The following CNTN5 variants were observed in gnomAD, a reference collection of about 807,000 sequenced individuals.
The protein encoded by CNTN5 is contactin 5.
Under a neutral mutation model 129.1 loss-of-function variants are expected in CNTN5, and 77 were observed. The ratio of observed to expected loss-of-function variants is 0.60; its 90% CI spans 0.50 to 0.72. The LOEUF (loss-of-function observed/expected upper bound fraction) is 0.72. Ranked by LOEUF, CNTN5 falls within the 30% of genes least tolerant of loss-of-function variation. The probability of loss-of-function intolerance (pLI) is 0.00; values close to 1 mark genes in which losing one functional copy is unlikely to be tolerated. For missense variants in CNTN5, 1,478 were observed against 1,328.8 expected (o/e 1.11, Z -1.75); for synonymous variants, 509 against 465.6 (o/e 1.09, Z -1.20).
At chr11:99,371,880 C>T (rs1403275402) in intron 2 of CNTN5, among the ~76,000 whole-genome samples, 2 of 152,164 alleles carry the variant, frequency 1.3e-5, no homozygotes, top group African/African-American at 2.4e-5. Context: ...TAAGTTTAAA[C>T]AGGCTTCTGC....
At position 99,506,387 on chromosome 11, in the gene CNTN5, G is replaced by A. The variant is rs1312073985; in HGVS notation, c.-70-49758G>A. Among the ~76,000 whole-genome samples, 3 of 152,264 alleles carry A rather than the reference G, an allele frequency of 2.0e-5. No individual in the cohort carries two copies. In the East Asian group the frequency reaches 5.8e-4, roughly 29 times the overall value. ...TCTCTGTTTACAATGTGTATGTTAT[G>A]CAGATTCTTATACAAATATCTTTTC... On this transcript the variant is annotated intron_variant, in intron 2 of 24. Transcript: ENST00000524871.
At chr11:99,670,239 A>C (rs1952977514) in intron 3 of CNTN5, among the ~76,000 whole-genome samples, 1 of 152,182 alleles carries the variant, frequency 6.6e-6, no homozygotes, top group Non-Finnish European at 1.5e-5. Flanking sequence ...CAACAGCATA[A>C]GGTAGATAAC....
intron 3 of CNTN5, among the ~76,000 whole-genome samples, chr11:99,648,224 GT>G (rs1167952851): frequency 6.6e-6 from 1 of 151,880 alleles, no homozygotes; most frequent in Non-Finnish European, 1.5e-5. Context: ...GATGTATCAT[GT>G]TTATTGATTT....
intron 10 of CNTN5, among the ~76,000 whole-genome samples, chr11:100,063,753 G>A (rs1452835613): frequency 6.7e-6 from 1 of 149,462 alleles, no homozygotes; most frequent in Non-Finnish European, 1.5e-5. Flanking sequence ...TGAGCATGGC[G>A]TTGCACTCCT....
Position 99,073,754 on chromosome 11 carries a change from C to G in CNTN5, c.-210+52484C>G, listed in dbSNP as rs535894539. Among the ~76,000 whole-genome samples, 13 of 152,202 alleles carry G rather than the reference C, an allele frequency of 8.5e-5. No individual in the cohort carries two copies. The South Asian group carries it at 2.7e-3, about 32-fold the overall frequency. On this transcript the variant is annotated intron_variant, in intron 1 of 24. Coordinates refer to ENST00000524871, the MANE Select transcript of CNTN5 (RefSeq NM_014361.4). The stretch of plus-strand genomic sequence containing the variant: ...TCATTTTTTATGGCTGCATAGTATT[C>G]CATGGTATATATGTGCCACATTTTC...
chr11:100,019,371 T>C (rs12574196), intron 9 of CNTN5, among the ~76,000 whole-genome samples: 35,402 of 151,802 alleles, frequency 0.23, 4,792 homozygotes, highest in East Asian at 0.46. Flanking sequence ...TCAAACTTGG[T>C]CATCACCATT....
intron 1 of CNTN5, among the ~76,000 whole-genome samples, chr11:99,200,462 T>C (rs1057454629): frequency 2.0e-5 from 3 of 152,218 alleles, no homozygotes; most frequent in African/African-American, 7.2e-5. Flanking sequence ...CCAACACGTT[T>C]TGCTTCATAG....
intron 9 of CNTN5, among the ~76,000 whole-genome samples, chr11:100,032,822 T>C (rs528977009): frequency 6.6e-6 from 1 of 152,282 alleles, no homozygotes; most frequent in Admixed American, 6.5e-5. Flanking sequence ...TAAAAGAATG[T>C]CATTTTTCCA....
intron 3 of CNTN5, among the ~76,000 whole-genome samples, chr11:99,622,272 A>G (rs185601773): frequency 6.6e-6 from 1 of 152,294 alleles, no homozygotes; most frequent in Non-Finnish European, 1.5e-5. Context: ...AAAATTTACA[A>G]CACGTGGCTG....
chr11:100,228,089 A>T (rs1949415665), intron 16 of CNTN5, among the ~76,000 whole-genome samples: 2 of 152,254 alleles, frequency 1.3e-5, no homozygotes, highest in South Asian at 4.1e-4. Context: ...GGTAACTAGG[A>T]GTGATAGCAC....
rs1383630165 is a variant in CNTN5, at chr11:99,842,462, A to T, written c.278-2390A>T. Among the ~76,000 whole-genome samples, 4 of 152,344 alleles carry T rather than the reference A, an allele frequency of 2.6e-5. No homozygotes were observed. In the East Asian group the frequency reaches 7.7e-4, roughly 29 times the overall value. Reference sequence around the variant, plus strand: ...CTAATACTGTAAAGTAGGCATTATTATCCACAAATAATACTTGAGTAGCAG... The same window carrying T: ...CTAATACTGTAAAGTAGGCATTATTTTCCACAAATAATACTTGAGTAGCAG... On this transcript the variant is annotated intron_variant, in intron 4 of 24. Coordinates refer to ENST00000524871, the MANE Select transcript of CNTN5 (RefSeq NM_014361.4).
At chr11:100,018,767 G>A (rs1940966095) in intron 9 of CNTN5, among the ~76,000 whole-genome samples, 1 of 151,918 alleles carries the variant, frequency 6.6e-6, no homozygotes, top group Non-Finnish European at 1.5e-5. Flanking sequence ...CAAAGTAGTT[G>A]TACTATTTTG....
In CNTN5 at chr11:100,141,789, C is replaced by T. The variant is rs138608929; in HGVS notation, c.1581-49337C>T. Among the ~76,000 whole-genome samples the T allele has an allele frequency of 5.4e-3, 821 of 152,030 alleles. 5 individuals are homozygous for T. Among genetic ancestry groups the T allele is most frequent in the Non-Finnish European group, 6.8e-3 (462 of 67,978 alleles). On this transcript the variant is annotated intron_variant, in intron 13 of 24. Transcript: ENST00000524871. ...TGTAATTTATGGTAAGCTGAAAATT[C>T]TTATATATTATGATGGGTAATTTGA... is the stretch of plus-strand genomic sequence containing the variant.
chr11:99,432,002 C>T (rs1264524108), intron 2 of CNTN5, among the ~76,000 whole-genome samples: 1 of 152,032 alleles, frequency 6.6e-6, no homozygotes, highest in Non-Finnish European at 1.5e-5. Flanking sequence ...GGGGGATAGT[C>T]AAATATGTAT....
chr11:99,809,809 T>C (rs1253819451), intron 3 of CNTN5, among the ~76,000 whole-genome samples: 1 of 152,188 alleles, frequency 6.6e-6, no homozygotes, highest in Non-Finnish European at 1.5e-5. Flanking sequence ...TGATTTGTTA[T>C]AAAATACTGT....
At chr11:99,850,023 A>T (rs1947822413) in intron 6 of CNTN5, among the ~76,000 whole-genome samples, 1 of 152,136 alleles carries the variant, frequency 6.6e-6, no homozygotes, top group Non-Finnish European at 1.5e-5. Flanking sequence ...AAAAATTAAT[A>T]TTAGTAATGA....
At chr11:100,109,804 G>A (rs903481196) in intron 13 of CNTN5, among the ~76,000 whole-genome samples, 3 of 152,114 alleles carry the variant, frequency 2.0e-5, no homozygotes, top group Non-Finnish European at 2.9e-5. Context: ...CTTCATGATG[G>A]AATGTAAGGC....
chr11:100,196,480 T>A (rs951863254), intron 15 of CNTN5, among the ~76,000 whole-genome samples: 1 of 152,006 alleles, frequency 6.6e-6, no homozygotes. Flanking sequence ...CTATATACAA[T>A]GTACATTGTA....
intron 13 of CNTN5, among the ~76,000 whole-genome samples, chr11:100,090,427 G>GCCTTCCTT (rs202075446): frequency 2.4e-4 from 36 of 148,550 alleles, no homozygotes; most frequent in Non-Finnish European, 4.0e-4. Context: ...TTTTCTGCCT[G>GCCTTCCTT]CCTGCCTTCC....
Sources: allele counts gnomAD v4.1 joint callset (sites outside exome capture counted in the v4.1 genomes callset), GRCh38; gene constraint gnomAD v4.1.1; transcripts MANE v1.5; gene names NCBI Gene and HGNC (gene_info 2026-07-23, HGNC 2026-07-21).